DOCK9: variants seen among roughly 807,000 people sequenced by gnomAD.
DOCK9 encodes dedicator of cytokinesis 9, also known as dedicator of cytokinesis protein 9.
In DOCK9, 89 loss-of-function variants were observed where a neutral mutation model predicts 263.3. The observed-to-expected ratio is 0.34, with a 90% CI of 0.28 to 0.40. The LOEUF (loss-of-function observed/expected upper bound fraction) is 0.40, where lower values mean the gene tolerates loss of function less well. DOCK9 is among the 10% of genes least tolerant of loss of function. The probability of loss-of-function intolerance (pLI) is 1.00; values close to 1 mark genes in which losing one functional copy is unlikely to be tolerated. For missense variants in DOCK9, 2,140 were observed against 2,603.4 expected (o/e 0.82, Z 3.87); for synonymous variants, 976 against 973.1 (o/e 1.00, Z -0.06).
intron 30 of DOCK9, among the ~76,000 whole-genome samples, chr13:98,865,436 G>A (rs555591552): frequency 6.6e-6 from 1 of 152,214 alleles, no homozygotes; most frequent in African/African-American, 2.4e-5. Flanking sequence ...ACTAACACAA[G>A]AAAGGAGGTG....
intron 1 of DOCK9, among the ~76,000 whole-genome samples, chr13:99,021,501 T>TGGTGGCGGGCGC (rs1886092943): frequency 6.6e-6 from 1 of 151,390 alleles, no homozygotes; most frequent in Admixed American, 6.6e-5. Context: ...TAGCCGGGCG[T>TGGTGGCGGGCGC]GGTGGCGGGC....
intron 1 of DOCK9, among the ~76,000 whole-genome samples, chr13:98,964,156 T>C (rs1207421261): frequency 6.6e-6 from 1 of 152,138 alleles, no homozygotes; most frequent in Non-Finnish European, 1.5e-5. Context: ...GGAAGGCACA[T>C]GTGTGAACAA....
At chr13:98,881,023 G>T (rs139093054) in intron 25 of DOCK9, among the ~76,000 whole-genome samples, 1 of 152,108 alleles carries the variant, frequency 6.6e-6, no homozygotes, top group Non-Finnish European at 1.5e-5. Flanking sequence ...ATTTACAAAG[G>T]TATTTAATAG....
At chr13:98,984,012 C>T (rs560130130) in intron 1 of DOCK9, among the ~76,000 whole-genome samples, 1 of 152,200 alleles carries the variant, frequency 6.6e-6, no homozygotes, top group Non-Finnish European at 1.5e-5. Context: ...GCCCAGAATC[C>T]AAGGCTGAAT....
At chr13:98,967,263 A>T (rs564281904) in intron 1 of DOCK9, among the ~76,000 whole-genome samples, 210 of 152,372 alleles carry the variant, frequency 1.4e-3, no homozygotes, top group Non-Finnish European at 5.3e-4. Flanking sequence ...CAGTGCCTGG[A>T]CAGTGCACGA....
chr13:98,938,746 T>G (rs1171067138), intron 2 of DOCK9, among the ~76,000 whole-genome samples: 2 of 152,230 alleles, frequency 1.3e-5, no homozygotes, highest in African/African-American at 4.8e-5. Context: ...GGGCTTAAAC[T>G]ATGACAAAAC....
chr13:98,872,644 C>T (rs549548521), intron 27 of DOCK9, among the ~76,000 whole-genome samples: 54 of 152,216 alleles, frequency 3.5e-4, no homozygotes, highest in Non-Finnish European at 5.7e-4. Flanking sequence ...TGGGCTCAAG[C>T]GATTCTCCTA....
intron 45 of DOCK9, among the ~76,000 whole-genome samples, 176 bp downstream of exon 45, chr13:98,824,222 C>T (rs991058841): frequency 5.9e-5 from 9 of 152,190 alleles, no homozygotes; most frequent in Admixed American, 1.3e-4. Context: ...AAGGGGAGAA[C>T]GGCAGAAGCT....
At chr13:98,980,230 G>T (rs1567166413), upstream of DOCK9, among the ~76,000 whole-genome samples, 1 of 152,222 alleles carries the variant, frequency 6.6e-6, no homozygotes, top group Non-Finnish European at 1.5e-5. Context: ...ATTCTGTAAG[G>T]AATGAGAAAT....
intron 7 of DOCK9, 147 bp from the exon 8 acceptor site, chr13:98,915,650 C>CAT (rs2050775218): frequency 3.0e-6 from 2 of 671,728 alleles, no homozygotes; most frequent in Non-Finnish European, 4.7e-6. Flanking sequence ...ATGAAAGCCC[C>CAT]CCCCCATGAA....
rs933458983 is a variant in DOCK9 at position 98,837,483 on chromosome 13, T to C, written c.4314+11A>G. On this transcript the variant is annotated intron_variant, in intron 39 of 52. Transcript: ENST00000682017. ...TAAAACTAGAACCACGAACAGCAAA[T>C]TGATACAAACCTTAAACGCCAATGT... The C allele has an allele frequency of 2.1e-5, 34 of 1,592,764 alleles. No homozygotes were observed. Among genetic ancestry groups the C allele is most frequent in the Non-Finnish European group, 2.7e-5 (31 of 1,161,750 alleles).
At chr13:99,039,560 C>T (rs1276494836) in intron 1 of DOCK9, among the ~76,000 whole-genome samples, 3 of 152,280 alleles carry the variant, frequency 2.0e-5, no homozygotes. Flanking sequence ...CTATTCTCTG[C>T]AAAATGATGC....
rs1878235385 is a variant in DOCK9 at position 98,985,451 on chromosome 13, T to G, written c.130-29900A>C. Among the ~76,000 whole-genome samples the G allele has an allele frequency of 2.6e-5, 4 of 152,328 alleles. No individual in the cohort carries two copies. The South Asian group carries it at 8.3e-4, about 32-fold the overall frequency. ...GAGGGCAGCATTTTTGCCTGTTTTG[T>G]TCATTGCTGTGTTCCCAGGTCCTAA... On this transcript the variant is annotated intron_variant, in intron 1 of 32. Transcript: ENST00000427887.
chr13:98,966,111 G>A (rs1012247889), intron 1 of DOCK9, among the ~76,000 whole-genome samples: 11 of 152,238 alleles, frequency 7.2e-5, no homozygotes, highest in African/African-American at 1.9e-4. Context: ...TGTGCTCGCT[G>A]GGGATGCTGC....
intron 2 of DOCK9, among the ~76,000 whole-genome samples, chr13:98,954,863 T>TACAC (rs71719426): frequency 0.023 from 3,318 of 146,538 alleles, 38 homozygotes; most frequent in Middle Eastern, 0.035. Context: ...TTATTCAAGA[T>TACAC]ACACACACAC....
chr13:98,796,600 C>A (rs2089445023), intron 52 of DOCK9, among the ~76,000 whole-genome samples: 1 of 152,168 alleles, frequency 6.6e-6, no homozygotes, highest in Non-Finnish European at 1.5e-5. Context: ...AGGGAAGATG[C>A]CCATAGTGAC....
intron 1 of DOCK9, among the ~76,000 whole-genome samples, chr13:99,077,214 A>G (rs1236363622): frequency 1.3e-5 from 2 of 152,224 alleles, no homozygotes; most frequent in East Asian, 3.9e-4. Context: ...AAGAAACCAG[A>G]TAAGAAGGAT....
intron 9 of DOCK9, among the ~76,000 whole-genome samples, chr13:98,906,420 T>C (rs1204641490): frequency 6.6e-6 from 1 of 152,186 alleles, no homozygotes; most frequent in East Asian, 1.9e-4. Context: ...AGAAGTCATC[T>C]CCATCTTTAT....
At chr13:98,894,318 T>G (rs2047060807) in intron 15 of DOCK9, among the ~76,000 whole-genome samples, 1 of 152,196 alleles carries the variant, frequency 6.6e-6, no homozygotes, top group Non-Finnish European at 1.5e-5. Flanking sequence ...GACAGAATGT[T>G]ATAAAGTGGA....
Sources: gnomAD v4.1 joint callset for allele counts (sites outside exome capture counted in the v4.1 genomes callset) on GRCh38, gnomAD v4.1.1 for gene constraint, MANE v1.5 for transcripts, NCBI Gene and HGNC (gene_info 2026-07-23, HGNC 2026-07-21) for gene names.